HORMAD2: variants seen among roughly 807,000 people sequenced by gnomAD.
HORMAD2 encodes the protein HORMA domain-containing protein 2.
A neutral mutation model predicts 38.8 loss-of-function variants in HORMAD2; 45 were observed. The ratio of observed to expected loss-of-function variants is 1.16; its 90% CI spans 0.91 to 1.49. The LOEUF (loss-of-function observed/expected upper bound fraction) is 1.49. Among genes scored for constraint, HORMAD2 ranks in the 40% most tolerant of loss-of-function variants. The probability of loss-of-function intolerance (pLI) is 0.00; values close to 1 mark genes in which losing one functional copy is unlikely to be tolerated. For missense variants in HORMAD2, 338 were observed against 367.0 expected (o/e 0.92, Z 0.65); for synonymous variants, 126 against 122.8 (o/e 1.03, Z -0.17).
Position 30,168,609 on chromosome 22 carries a change from G to A in HORMAD2, c.820-7454G>A, listed in dbSNP as rs538017432. Among the ~76,000 whole-genome samples, 17 of 152,186 alleles carry A rather than the reference G, an allele frequency of 1.1e-4. No individual in the cohort carries two copies. In the South Asian group the frequency reaches 3.5e-3, roughly 32 times the overall value. On this transcript the variant is annotated intron_variant, in intron 10 of 10. Transcript: ENST00000336726. ...GTCACCGGCATTACCAGAAACTTGG[G>A]TAATTTTTGTCATGTTTTACTCCTT...
chr22:30,101,003 A>G (rs1920939608), intron 3 of HORMAD2, among the ~76,000 whole-genome samples: 1 of 152,228 alleles, frequency 6.6e-6, no homozygotes, highest in Non-Finnish European at 1.5e-5. Flanking sequence ...AATTAGTTCA[A>G]CCATTGTGGA....
chr22:30,177,766 A>G (rs1926542246), downstream of HORMAD2, among the ~76,000 whole-genome samples: 1 of 127,452 alleles, frequency 7.8e-6, no homozygotes, highest in South Asian at 2.6e-4. Context: ...TGCAACATTG[A>G]CCTCCCAGGC....
intron 10 of HORMAD2, among the ~76,000 whole-genome samples, chr22:30,162,150 C>G (rs576282781): frequency 6.6e-6 from 1 of 152,076 alleles, no homozygotes; most frequent in Non-Finnish European, 1.5e-5. Flanking sequence ...CCGTCTCTAC[C>G]AAAAATACAA....
At chr22:30,185,733 C>T in the HORMAD2 span, among the ~76,000 whole-genome samples, 45,250 of 151,954 alleles carry the variant, frequency 0.3, 7,782 homozygotes, top group East Asian at 0.58. Flanking sequence ...TTATCAAAAA[C>T]CTATAACTGA....
chr22:30,087,359 AG>A (rs2068588288), intron 1 of HORMAD2, among the ~76,000 whole-genome samples: 1 of 152,214 alleles, frequency 6.6e-6, no homozygotes, highest in African/African-American at 2.4e-5. Context: ...ATGATCAGTT[AG>A]AAGAACAAGT....
At chr22:30,125,506 G>A (rs1167471922) in intron 10 of HORMAD2, among the ~76,000 whole-genome samples, 1 of 151,818 alleles carries the variant, frequency 6.6e-6, no homozygotes, top group Non-Finnish European at 1.5e-5. Flanking sequence ...GGGATTACAG[G>A]CATGAGCCAC....
intron 10 of HORMAD2, among the ~76,000 whole-genome samples, chr22:30,130,796 G>T (rs2146151587): frequency 6.6e-6 from 1 of 151,602 alleles, no homozygotes; most frequent in East Asian, 1.9e-4. Context: ...TCGCCATGTT[G>T]CCCAGGCTGG....
At chr22:30,111,412 G>A (rs1921644161) in intron 5 of HORMAD2, among the ~76,000 whole-genome samples, 1 of 152,084 alleles carries the variant, frequency 6.6e-6, no homozygotes, top group South Asian at 2.1e-4. Context: ...CTTGAACCTG[G>A]GAGACAGATG....
At chr22:30,091,266 C>CTTTTTTTTTTTT (rs67947501) in intron 1 of HORMAD2, among the ~76,000 whole-genome samples, 3 of 114,030 alleles carry the variant, frequency 2.6e-5, no homozygotes, top group Admixed American at 9.2e-5. Context: ...CTCTTTCTTT[C>CTTTTTTTTTTTT]TTTTTTTTTT....
the HORMAD2 span, among the ~76,000 whole-genome samples, chr22:30,190,326 C>T: frequency 6.6e-6 from 1 of 152,222 alleles, no homozygotes; most frequent in Non-Finnish European, 1.5e-5. Flanking sequence ...AAGTACATTT[C>T]ATTTACCATC....
intron 4 of HORMAD2, among the ~76,000 whole-genome samples, chr22:30,103,748 T>A (rs1920992007): frequency 7.5e-6 from 1 of 133,226 alleles, no homozygotes; most frequent in Admixed American, 8.7e-5. Flanking sequence ...CTGCAACCTC[T>A]GCCTCCCAGG....
intron 10 of HORMAD2, among the ~76,000 whole-genome samples, chr22:30,138,098 TC>T (rs1412091635): frequency 6.6e-6 from 1 of 152,166 alleles, no homozygotes; most frequent in Admixed American, 6.5e-5. Flanking sequence ...ATTCTAGCCA[TC>T]CTAGTGGGTG....
the HORMAD2 span, among the ~76,000 whole-genome samples, chr22:30,199,400 A>G: frequency 6.6e-6 from 1 of 152,220 alleles, no homozygotes; most frequent in Non-Finnish European, 1.5e-5. Flanking sequence ...CTGGGTAGAA[A>G]TGACGTTCTG....
At chr22:30,127,199 C>CTTTTTTT (rs757608874) in intron 10 of HORMAD2, among the ~76,000 whole-genome samples, 5 of 79,818 alleles carry the variant, frequency 6.3e-5, no homozygotes, top group African/African-American at 1.5e-4. Flanking sequence ...AACAGAAGTT[C>CTTTTTTT]TTTTTTTTTT....
chr22:30,123,785 C>T (rs1203634896), intron 10 of HORMAD2, among the ~76,000 whole-genome samples: 1 of 151,898 alleles, frequency 6.6e-6, no homozygotes, highest in Non-Finnish European at 1.5e-5. Flanking sequence ...ATCCTTTCAG[C>T]TCAGCCTCCA....
At chr22:30,120,234 A>G (rs1409753837) in intron 8 of HORMAD2, among the ~76,000 whole-genome samples, 1 of 152,196 alleles carries the variant, frequency 6.6e-6, no homozygotes, top group African/African-American at 2.4e-5. Flanking sequence ...GGGAGTCCTG[A>G]ATATGATTTT....
At chr22:30,197,523 C>T in the HORMAD2 span, among the ~76,000 whole-genome samples, 1 of 152,076 alleles carries the variant, frequency 6.6e-6, no homozygotes, top group Non-Finnish European at 1.5e-5. Flanking sequence ...GTAGGCAAAC[C>T]CTTTAAAAAA....
intron 10 of HORMAD2, among the ~76,000 whole-genome samples, chr22:30,130,715 C>T (rs183800665): frequency 1.3e-5 from 2 of 151,372 alleles, no homozygotes; most frequent in African/African-American, 2.4e-5. Context: ...CTCAGCCACC[C>T]GAGTAACTGG....
the HORMAD2 span, among the ~76,000 whole-genome samples, chr22:30,195,405 A>G: frequency 7.2e-5 from 11 of 152,278 alleles, no homozygotes; most frequent in East Asian, 9.6e-4. Flanking sequence ...TGTCAGGGGC[A>G]AGACTGTCAA....
Sources: allele counts gnomAD v4.1 joint callset (sites outside exome capture counted in the v4.1 genomes callset), GRCh38; gene constraint gnomAD v4.1.1; transcripts MANE v1.5; gene names NCBI Gene and HGNC (gene_info 2026-07-23, HGNC 2026-07-21).